The following LRPPRC variants were observed in gnomAD, a reference collection of about 807,000 sequenced individuals.
LRPPRC encodes leucine rich pentatricopeptide repeat containing, also known as leucine-rich PPR motif-containing protein, mitochondrial.
A neutral mutation model predicts 180.3 loss-of-function variants in LRPPRC; 120 were observed. That is an observed-to-expected ratio of 0.67 (90% confidence interval 0.57 to 0.77). LRPPRC has a LOEUF of 0.77. Among genes scored for constraint, LRPPRC ranks in the 30% least tolerant of loss-of-function variants. LRPPRC has a pLI of 0.00. For missense variants in LRPPRC, 2,012 were observed against 1,657.2 expected, an observed-to-expected ratio of 1.21 and a Z score of -3.72; for synonymous variants, 723 against 600.0, an observed-to-expected ratio of 1.21 and a Z score of -3.00.
intron 23 of LRPPRC, among the ~76,000 whole-genome samples, chr2:43,936,949 T>G (rs1021545733): frequency 1.3e-5 from 2 of 152,196 alleles, no homozygotes; most frequent in Admixed American, 6.5e-5. Flanking sequence ...TTTCTATAAC[T>G]CTGCTTAACG....
intron 29 of LRPPRC, among the ~76,000 whole-genome samples, chr2:43,916,481 G>C (rs1436532423): frequency 1.3e-5 from 2 of 152,074 alleles, no homozygotes; most frequent in Non-Finnish European, 2.9e-5. Flanking sequence ...CTAACCTTGA[G>C]ATATTGCTGG....
At chr2:43,936,169 T>C (rs1672270288) in intron 23 of LRPPRC, among the ~76,000 whole-genome samples, 1 of 151,974 alleles carries the variant, frequency 6.6e-6, no homozygotes, top group South Asian at 2.1e-4. Flanking sequence ...TTCAAAGAAA[T>C]AATGAAACTG....
chr2:43,977,133 A>G (rs762720305), intron 4 of LRPPRC, 22 bp downstream of exon 4: 2 of 1,608,716 alleles, frequency 1.2e-6, no homozygotes, highest in Non-Finnish European at 1.7e-6. Flanking sequence ...GTGAAAATAT[A>G]TTCACAATAG....
intron 29 of LRPPRC, among the ~76,000 whole-genome samples, chr2:43,916,823 T>C (rs2105022292): frequency 6.6e-6 from 1 of 151,682 alleles, no homozygotes; most frequent in East Asian, 2.0e-4. Context: ...TGTGTGCCTA[T>C]GGTCCCAGCT....
At chr2:43,976,022 C>G in intron 6 of LRPPRC, 121 bp downstream of exon 6, 2 of 645,672 alleles carry the variant, frequency 3.1e-6, no homozygotes, top group Middle Eastern at 2.5e-4. Flanking sequence ...ATTTTAAGAA[C>G]TGTCTACAAT....
At chr2:43,958,336 C>T (rs560934818) in intron 13 of LRPPRC, among the ~76,000 whole-genome samples, 1 of 152,220 alleles carries the variant, frequency 6.6e-6, no homozygotes, top group East Asian at 1.9e-4. Flanking sequence ...ATAGTAGAAG[C>T]AAATTCTGAA....
At chr2:43,979,166 T>A (rs528986462) in intron 3 of LRPPRC, among the ~76,000 whole-genome samples, 1 of 152,222 alleles carries the variant, frequency 6.6e-6, no homozygotes, top group South Asian at 2.1e-4. Flanking sequence ...ACTGAAAAGG[T>A]ATAAAAAGGT....
intron 11 of LRPPRC, among the ~76,000 whole-genome samples, chr2:43,971,139 C>T (rs574519216): frequency 6.0e-4 from 91 of 150,580 alleles, no homozygotes; most frequent in Middle Eastern, 3.4e-3. Flanking sequence ...TCAACCACTT[C>T]ACTCAACTGG....
intron 14 of LRPPRC, among the ~76,000 whole-genome samples, chr2:43,955,582 T>C (rs894340569): frequency 6.6e-6 from 1 of 151,132 alleles, no homozygotes; most frequent in Non-Finnish European, 1.5e-5. Flanking sequence ...TACAAAAAAA[T>C]TTTAAAAATC....
chr2:43,975,399 A>C (rs1287932068), intron 6 of LRPPRC, among the ~76,000 whole-genome samples, 182 bp from the exon 7 acceptor site: 1 of 152,220 alleles, frequency 6.6e-6, no homozygotes, highest in East Asian at 1.9e-4. Context: ...GATCATAAAC[A>C]TCTGATCCCC....
chr2:43,979,781 A>T, intron 3 of LRPPRC, 45 bp downstream of exon 3: 5 of 1,591,330 alleles, frequency 3.1e-6, no homozygotes, highest in African/African-American at 1.3e-5. Flanking sequence ...AAAAAGAAAA[A>T]ACATCTACAC....
At position 43,934,247 on chromosome 2, in the gene LRPPRC, A is replaced by T; in HGVS notation, c.2679T>A (p.Asp893Glu). ...QEQGEMVMLY[D>E]LFFAFLQTGN... ...CTGTTTGTAGGAAGGCAAAGAAGAG[A>T]TCATAGAGCATCACCATTTCACCTT... is the stretch of plus-strand genomic sequence containing the variant. The change falls in exon 25 of 38, where the codon GAT becomes GAA. Residue 893 changes from aspartate (D) to glutamate (E), a missense_variant. Physicochemically the swap from Asp to Glu is conservative, Grantham distance 45. Transcript: ENST00000260665. 6.2e-7 allele frequency: 1 copy of T among 1,612,472 alleles called. No individual in the cohort carries two copies. The highest frequency in any genetic ancestry group is 8.5e-7 in the Non-Finnish European group (1 of 1,178,772).
intron 3 of LRPPRC, among the ~76,000 whole-genome samples, chr2:43,977,631 A>G (rs1171922118): frequency 6.6e-6 from 1 of 152,194 alleles, no homozygotes; most frequent in African/African-American, 2.4e-5. Flanking sequence ...CATTACAGAC[A>G]CACTGTGAAG....
intron 14 of LRPPRC, among the ~76,000 whole-genome samples, chr2:43,953,790 C>T (rs1672996131): frequency 6.6e-6 from 1 of 152,172 alleles, no homozygotes; most frequent in African/African-American, 2.4e-5. Context: ...AATCCAATCA[C>T]TAAAAACAAA....
intron 36 of LRPPRC, chr2:43,890,341 A>G (rs1359311424): frequency 4.3e-6 from 2 of 470,586 alleles, no homozygotes; most frequent in Non-Finnish European, 8.8e-6. Context: ...TCAGCTCAAC[A>G]TCAAAAAAGC....
At chr2:43,927,864 G>C (rs1282745774) in intron 25 of LRPPRC, among the ~76,000 whole-genome samples, 1 of 152,184 alleles carries the variant, frequency 6.6e-6, no homozygotes, top group Non-Finnish European at 1.5e-5. Context: ...ATCTAGGTCA[G>C]ATTAACTAAA....
At position 43,957,614 on chromosome 2, in the gene LRPPRC, A is replaced by C. The variant is rs1215246077; in HGVS notation, c.1583-163T>G. On this transcript the variant is annotated intron_variant, in intron 13 of 37. Transcript: ENST00000260665. ...TCATACAAAATTAGACAATGCAGTA[A>C]TATATATCTGCAATATAAGCTACCC... Among the ~76,000 whole-genome samples the C allele has an allele frequency of 2.0e-5, 3 of 152,250 alleles. No individual in the cohort carries two copies. The East Asian group carries it at 5.8e-4, about 29-fold the overall frequency.
chr2:43,889,891 AAAAT>A lies in LRPPRC; in HGVS notation c.3986-19_3986-16del. ...TTTCTCTGAGACTGACATAAAGAAA[AAAAT>A]ATATTAATCAGAGATAAAGACAACC... is the stretch of plus-strand genomic sequence containing the variant. On this transcript the variant is annotated splice_polypyrimidine_tract_variant and intron_variant, in intron 36 of 37. Transcript: ENST00000260665. The A allele has an allele frequency of 6.3e-7, 1 of 1,584,534 alleles. No homozygotes were observed. Among genetic ancestry groups the A allele is most frequent in the Non-Finnish European group, 8.7e-7 (1 of 1,152,972 alleles).
Position 43,943,993 on chromosome 2 carries a change from T to C in LRPPRC, c.2297-99A>G, listed in dbSNP as rs568063547. ...TCAAGCCCAGCAGGAATGTAAATTCTAGTGTATAATGCCGATTTCAAGTTA... is the reference window on the plus strand; with the variant it reads ...TCAAGCCCAGCAGGAATGTAAATTCCAGTGTATAATGCCGATTTCAAGTTA... On this transcript the variant is annotated intron_variant, in intron 22 of 37. Coordinates refer to ENST00000260665, the MANE Select transcript of LRPPRC (RefSeq NM_133259.4). 9 of 821,420 alleles carry C rather than the reference T, an allele frequency of 1.1e-5. No homozygotes were observed. The East Asian group carries it at 2.3e-4, about 21-fold the overall frequency. 50.9% of individuals were successfully genotyped at this position (821,420 alleles called of 1,614,324 possible). A position where few individuals can be genotyped will look rare whatever the true frequency, so the allele number is the denominator to read the frequency against.
Sources: allele counts gnomAD v4.1 joint callset (sites outside exome capture counted in the v4.1 genomes callset), GRCh38; gene constraint gnomAD v4.1.1; transcripts MANE v1.5; gene names NCBI Gene and HGNC (gene_info 2026-07-23, HGNC 2026-07-21).